Variants in ACSBG2 observed in about 807,000 individuals in gnomAD.
ACSBG2 encodes acyl-CoA synthetase bubblegum family member 2, also known as long-chain-fatty-acid--CoA ligase ACSBG2.
In ACSBG2, 62 loss-of-function variants were observed where a neutral mutation model predicts 74.7. That is an observed-to-expected ratio of 0.83 (90% CI 0.68 to 1.03). The LOEUF (loss-of-function observed/expected upper bound fraction) is 1.03, where lower values mean the gene tolerates loss of function less well. Among genes scored for constraint, ACSBG2 ranks in the 50% least tolerant of loss-of-function variants. The pLI is 0.00. For missense variants in ACSBG2, 730 were observed against 817.6 expected (o/e 0.89, Z 1.31); for synonymous variants, 309 against 294.1 (o/e 1.05, Z -0.52).
chr19:6,137,905 C>T (rs1224766750), intron 1 of ACSBG2, among the ~76,000 whole-genome samples: 2 of 152,166 alleles, frequency 1.3e-5, no homozygotes, highest in Non-Finnish European at 2.9e-5. Flanking sequence ...CCACCCGCCT[C>T]GGCCTCCCAA....
At chr19:6,170,344 G>A (rs1021299611) in intron 7 of ACSBG2, among the ~76,000 whole-genome samples, 4 of 152,266 alleles carry the variant, frequency 2.6e-5, no homozygotes, top group East Asian at 1.9e-4. Flanking sequence ...TGATCATATG[G>A]CTTTTGATTT....
intron 2 of ACSBG2, among the ~76,000 whole-genome samples, chr19:6,142,024 C>A (rs1205505863): frequency 6.6e-6 from 1 of 152,198 alleles, no homozygotes; most frequent in Non-Finnish European, 1.5e-5. Flanking sequence ...GGCCACCGTG[C>A]CCAGCCTAGG....
chr19:6,182,648 T>C, intron 8 of ACSBG2, 103 bp from the exon 9 acceptor site: 1 of 1,139,132 alleles, frequency 8.8e-7, no homozygotes, highest in East Asian at 2.5e-5. Flanking sequence ...ATCTGATCAG[T>C]GAAGGAATGT....
intron 10 of ACSBG2, among the ~76,000 whole-genome samples, chr19:6,184,820 A>G (rs1434650545): frequency 1.9e-5 from 2 of 105,232 alleles, no homozygotes; most frequent in East Asian, 3.0e-4. Context: ...CTTTGCCGGC[A>G]TATGTGGAGA....
chr19:6,142,847 G>A (rs1296732300), intron 2 of ACSBG2, among the ~76,000 whole-genome samples: 1 of 152,048 alleles, frequency 6.6e-6, no homozygotes. Context: ...GAGTGCAGGC[G>A]TGCTTGAAAG....
intron 12 of ACSBG2, 40 bp downstream of exon 12, chr19:6,187,462 C>T: frequency 6.2e-7 from 1 of 1,610,736 alleles, no homozygotes; most frequent in South Asian, 1.1e-5. Context: ...GTCTCTGCAG[C>T]CGGTCTTGGG....
chr19:6,183,380 T>C, intron 10 of ACSBG2, 108 bp downstream of exon 10: 1 of 905,718 alleles, frequency 1.1e-6, no homozygotes, highest in East Asian at 2.6e-5. Context: ...TGACGTGGTG[T>C]CTCCAGAATG....
intron 2 of ACSBG2, among the ~76,000 whole-genome samples, chr19:6,145,918 T>G (rs565357103): frequency 6.6e-6 from 1 of 152,262 alleles, no homozygotes; most frequent in East Asian, 1.9e-4. Flanking sequence ...TCACATTTGC[T>G]CCACCATTTT....
intron 2 of ACSBG2, among the ~76,000 whole-genome samples, chr19:6,145,437 A>C (rs1481065705): frequency 6.6e-6 from 1 of 151,980 alleles, no homozygotes. Context: ...CTCAAAAAAA[A>C]AAAAAAAAAG....
intron 3 of ACSBG2, among the ~76,000 whole-genome samples, chr19:6,150,591 CACA>C (rs1283968406): frequency 6.6e-6 from 1 of 152,152 alleles, no homozygotes; most frequent in African/African-American, 2.4e-5. Flanking sequence ...ATAAGCCAGA[CACA>C]AAAGGGCAAA....
chr19:6,173,368 G>A (rs1471994405), intron 7 of ACSBG2, among the ~76,000 whole-genome samples: 1 of 152,178 alleles, frequency 6.6e-6, no homozygotes, highest in Non-Finnish European at 1.5e-5. Context: ...CAGGTCTGAG[G>A]GGAGTGTGGG....
intron 1 of ACSBG2, chr19:6,137,164 C>A (rs995285519): frequency 7.0e-6 from 1 of 141,878 alleles, no homozygotes; most frequent in African/African-American, 2.6e-5. Flanking sequence ...TGTGGTGGCT[C>A]ACACCTGCAA....
At chr19:6,148,647 GAAA>G (rs55936682) in intron 3 of ACSBG2, among the ~76,000 whole-genome samples, 41 of 145,590 alleles carry the variant, frequency 2.8e-4, no homozygotes, top group South Asian at 2.0e-3. Context: ...GTGTCATAAA[GAAA>G]AAAAAAAAAA....
intron 5 of ACSBG2, among the ~76,000 whole-genome samples, chr19:6,157,232 G>C (rs1248203342): frequency 6.6e-6 from 1 of 151,884 alleles, no homozygotes; most frequent in African/African-American, 2.4e-5. Context: ...ACAGGCGTGA[G>C]CCACCGCCCC....
chr19:6,187,711 A>G lies in ACSBG2; in HGVS notation c.1793A>G (p.Gln598Arg). The change falls in exon 13 of 15, where the codon CAG (glutamine) becomes CGG (arginine). Residue 598 changes from glutamine to arginine, a missense_variant. Gln to Arg is a conservative substitution (Grantham distance 43). Transcript: ENST00000588485. ...TCCACCGTGACTGAGATTGTGAAGC[A>G]GCAAGACCCCCTGGTCTACAAGGCC... ...QASTVTEIVK[Q>R]QDPLVYKAIQ... 6.2e-7 allele frequency: 1 copy of G among 1,614,210 alleles called. No homozygotes were observed. Among genetic ancestry groups the G allele is most frequent in the Non-Finnish European group, 8.5e-7 (1 of 1,180,038 alleles).
intron 7 of ACSBG2, 47 bp downstream of exon 7, chr19:6,166,062 T>C (rs751126807): frequency 1.2e-6 from 2 of 1,608,308 alleles, no homozygotes; most frequent in Non-Finnish European, 1.7e-6. Flanking sequence ...TTGGGCTGTT[T>C]CTCTTGTTGG....
chr19:6,176,418 G>A, intron 7 of ACSBG2: 1 of 1,476,312 alleles, frequency 6.8e-7, no homozygotes, highest in Admixed American at 2.0e-5. Flanking sequence ...AAAGTCCTTT[G>A]CCACTGCTCC....
At chr19:6,146,638 G>A (rs533726929) in intron 2 of ACSBG2, among the ~76,000 whole-genome samples, 13 of 152,198 alleles carry the variant, frequency 8.5e-5, no homozygotes, top group African/African-American at 2.4e-4. Context: ...GGTGGTGCAT[G>A]CCTGTAATCC....
intron 7 of ACSBG2, among the ~76,000 whole-genome samples, chr19:6,168,353 C>T (rs2089870434): frequency 6.6e-6 from 1 of 152,214 alleles, no homozygotes; most frequent in African/African-American, 2.4e-5. Context: ...GAAGCCCTCC[C>T]TAACTTCCAT....
Sources: gnomAD v4.1 joint callset for allele counts (sites outside exome capture counted in the v4.1 genomes callset) on GRCh38, gnomAD v4.1.1 for gene constraint, MANE v1.5 for transcripts, NCBI Gene and HGNC (gene_info 2026-07-23, HGNC 2026-07-21) for gene names.